The following BTBD7 variants were observed in gnomAD, a reference collection of about 807,000 sequenced individuals.
BTBD7 encodes the protein BTB domain containing 7, also known as BTB/POZ domain-containing protein 7.
A neutral mutation model predicts 99.9 loss-of-function variants in BTBD7; 38 were observed. The ratio of observed to expected loss-of-function variants is 0.38; its 90% CI spans 0.29 to 0.50. The LOEUF (loss-of-function observed/expected upper bound fraction) is 0.50. BTBD7 is among the 20% of genes least tolerant of loss of function. BTBD7 has a pLI of 0.93. For synonymous variants in BTBD7, 520 were observed against 511.4 expected (o/e 1.02, Z -0.23); for missense variants, 1,170 against 1,394.6 (o/e 0.84, Z 2.57).
In BTBD7 at chr14:93,246,019, A is replaced by C. The variant is rs145489029; in HGVS notation, c.2389T>G (p.Cys797Gly). The C allele has an allele frequency of 6.2e-7, 1 of 1,613,220 alleles. No individual in the cohort carries two copies. Among genetic ancestry groups the C allele is most frequent in the Non-Finnish European group, 8.5e-7 (1 of 1,179,936 alleles). Residue 797 changes from cysteine to glycine, a missense_variant, in exon 10 of 11, where the codon TGT becomes GGT. Physicochemically the swap from Cys to Gly is radical, Grantham distance 159. Transcript: ENST00000334746. The stretch of plus-strand genomic sequence containing the variant: ...CTGGAGTGGAACAGCGAATGATTAC[A>C]GGGATAAGAAAATGAACGTGAAGGG... The part of the protein sequence containing the change: ...QHPSRSFSYP[C>G]NHSLFHSRTA...
intron 3 of BTBD7, among the ~76,000 whole-genome samples, chr14:93,278,160 C>G (rs776253549): frequency 6.6e-6 from 1 of 151,574 alleles, no homozygotes; most frequent in Non-Finnish European, 1.5e-5. Flanking sequence ...CGCCTCTAAT[C>G]CCAGCACTTT....
At chr14:93,297,511 T>C (rs537145752) in intron 1 of BTBD7, among the ~76,000 whole-genome samples, 21 of 152,204 alleles carry the variant, frequency 1.4e-4, no homozygotes, top group African/African-American at 4.8e-4. Context: ...TTAGTAGAGA[T>C]GGGGTTTCAC....
intron 3 of BTBD7, among the ~76,000 whole-genome samples, chr14:93,275,910 C>T (rs924111381): frequency 2.0e-5 from 3 of 152,180 alleles, no homozygotes; most frequent in African/African-American, 7.2e-5. Context: ...TCTTTCAAGT[C>T]TCTGTCCGTT....
chr14:93,238,213 T>G lies in BTBD7; in HGVS notation c.*4060A>C, dbSNP rs1447670651. On this transcript the variant is annotated 3_prime_UTR_variant, in exon 11 of 11. Transcript: ENST00000334746. ...TATAGAAATGGCCACAGCATTATAA[T>G]ATTCAAAATATGGAAGATTGACAGT... 1 of 152,492 alleles carries G rather than the reference T, an allele frequency of 6.6e-6. No individual in the cohort carries two copies. Among genetic ancestry groups the G allele is most frequent in the Non-Finnish European group, 1.5e-5 (1 of 68,018 alleles). The allele number at this position is 152,492 out of a possible 1,614,324, so 9.4% of individuals were successfully genotyped here.
At chr14:93,329,244 A>G (rs1301349552) in intron 1 of BTBD7, among the ~76,000 whole-genome samples, 2 of 152,242 alleles carry the variant, frequency 1.3e-5, no homozygotes, top group Non-Finnish European at 2.9e-5. Context: ...AAAATACAAA[A>G]GATCAATAAG....
chr14:93,267,675 C>T (rs1312983432), intron 3 of BTBD7, among the ~76,000 whole-genome samples: 1 of 152,204 alleles, frequency 6.6e-6, no homozygotes, highest in Non-Finnish European at 1.5e-5. Flanking sequence ...AAATCTGGGC[C>T]TCTTCAGTCA....
chr14:93,267,881 C>T (rs2052558503), intron 3 of BTBD7, among the ~76,000 whole-genome samples: 13 of 152,216 alleles, frequency 8.5e-5, no homozygotes, highest in Admixed American at 8.5e-4. Context: ...ATTCCCACCT[C>T]CAGTCTTTCC....
intron 3 of BTBD7, chr14:93,288,872 C>T: frequency 2.0e-6 from 2 of 1,020,830 alleles, no homozygotes; most frequent in Non-Finnish European, 2.8e-6. Context: ...GCTGGTATTA[C>T]AGCAGGGGTT....
intron 1 of BTBD7, among the ~76,000 whole-genome samples, chr14:93,314,948 T>C (rs2139811642): frequency 6.7e-6 from 1 of 149,542 alleles, no homozygotes; most frequent in East Asian, 1.9e-4. Context: ...TTTGCAACAT[T>C]TTCTATATTA....
chr14:93,265,832 G>C (rs914876505), intron 3 of BTBD7, among the ~76,000 whole-genome samples: 7 of 152,360 alleles, frequency 4.6e-5, no homozygotes, highest in African/African-American at 1.7e-4. Flanking sequence ...TGAGGCAGGA[G>C]AATTGCTTGA....
intron 1 of BTBD7, among the ~76,000 whole-genome samples, chr14:93,320,031 T>C (rs2053252647): frequency 6.6e-6 from 1 of 152,100 alleles, no homozygotes; most frequent in African/African-American, 2.4e-5. Context: ...CTCAATAGAA[T>C]TCAAAAGAGG....
At chr14:93,300,172 C>CGAAACA (rs940041282) in intron 1 of BTBD7, among the ~76,000 whole-genome samples, 2 of 151,338 alleles carry the variant, frequency 1.3e-5, no homozygotes, top group African/African-American at 4.9e-5. Context: ...ATAAGAACGT[C>CGAAACA]GAAACAGAGT....
At chr14:93,291,361 T>C (rs1418683484) in intron 3 of BTBD7, among the ~76,000 whole-genome samples, 1 of 152,162 alleles carries the variant, frequency 6.6e-6, no homozygotes, top group African/African-American at 2.4e-5. Flanking sequence ...GCTTAGGCTA[T>C]GTGACTTGGT....
chr14:93,259,669 T>G (rs2139699703), intron 5 of BTBD7, among the ~76,000 whole-genome samples: 1 of 152,264 alleles, frequency 6.6e-6, no homozygotes, highest in African/African-American at 2.4e-5. Flanking sequence ...ACTGTAATGG[T>G]TTTCATATTT....
chr14:93,309,684 C>CT (rs1322091118), intron 1 of BTBD7, among the ~76,000 whole-genome samples: 2 of 152,044 alleles, frequency 1.3e-5, no homozygotes, highest in African/African-American at 4.8e-5. Context: ...AGATCTTAAT[C>CT]TCTCTAGTGC....
intron 3 of BTBD7, among the ~76,000 whole-genome samples, chr14:93,289,077 G>C (rs1382992569): frequency 6.6e-6 from 1 of 151,948 alleles, no homozygotes; most frequent in Admixed American, 6.6e-5. Context: ...CGAATTGAGG[G>C]GGCGGGGACA....
At position 93,242,454 on chromosome 14, in the gene BTBD7, G is replaced by A; in HGVS notation, c.3218C>T (p.Pro1073Leu). ...TTCAGAGCTACATGCAGAAAGTGAA[G>A]GTCTGTTAGGAGTCAGCCCAAAAGT... Reference protein sequence around the residue: ...DLTFGLTPNRPSLSACSSEAP... With the variant: ...DLTFGLTPNRLSLSACSSEAP... Residue 1073 changes from proline (P) to leucine (L), a missense_variant, in exon 11 of 11, where the codon CCT (proline) becomes CTT (leucine). By Grantham distance (98) the Pro-to-Leu change is moderately conservative. This residue lies in a region of BTBD7 where 495 missense variants were observed against 525.9 expected (regional missense o/e 0.94). Transcript: ENST00000334746. The A allele has an allele frequency of 6.2e-7, 1 of 1,614,226 alleles. No individual in the cohort carries two copies. Among genetic ancestry groups the A allele is most frequent in the Non-Finnish European group, 8.5e-7 (1 of 1,180,042 alleles).
chr14:93,271,943 T>C (rs2052605626), intron 3 of BTBD7, among the ~76,000 whole-genome samples: 1 of 152,072 alleles, frequency 6.6e-6, no homozygotes, highest in Non-Finnish European at 1.5e-5. Context: ...GAGGTAGAGG[T>C]TGCAGTGAGC....
At chr14:93,323,701 A>C (rs192973416) in intron 1 of BTBD7, among the ~76,000 whole-genome samples, 13 of 152,340 alleles carry the variant, frequency 8.5e-5, no homozygotes, top group Admixed American at 7.2e-4. Context: ...TTTTTATCTA[A>C]ATGAAAATGT....
Sources: allele counts gnomAD v4.1 joint callset (sites outside exome capture counted in the v4.1 genomes callset), GRCh38; gene constraint gnomAD v4.1.1; regional missense constraint gnomAD v4.1.1; transcripts MANE v1.5; gene names NCBI Gene and HGNC (gene_info 2026-07-23, HGNC 2026-07-21).